The following TRPM8 variants were observed in gnomAD, a reference collection of about 807,000 sequenced individuals.
TRPM8 encodes TRPM8 cationic channel.
A neutral mutation model predicts 133.7 loss-of-function variants in TRPM8; 110 were observed. The ratio of observed to expected loss-of-function variants is 0.82; its 90% CI spans 0.70 to 0.96. The LOEUF is 0.96. Ranked by LOEUF, TRPM8 falls within the 40% of genes least tolerant of loss-of-function variation. The pLI is 0.00. For missense variants in TRPM8, 1,291 were observed against 1,379.5 expected, an observed-to-expected ratio of 0.94 and a Z score of 1.02; for synonymous variants, 535 against 532.3, an observed-to-expected ratio of 1.01 and a Z score of -0.07.
Position 234,004,295 on chromosome 2 carries a change from G to A in TRPM8, c.3131-2558G>A, listed in dbSNP as rs143318611. Among the ~76,000 whole-genome samples the A allele has an allele frequency of 3.9e-3, 589 of 152,304 alleles. 3 individuals are homozygous for A. Among genetic ancestry groups the A allele is most frequent in the African/African-American group, 0.013 (551 of 41,564 alleles). On this transcript the variant is annotated intron_variant, in intron 22 of 25. Transcript: ENST00000324695. The stretch of plus-strand genomic sequence containing the variant: ...CAGGATCTTTCTCCACCCTCGGGTG[G>A]TGTGGCAGTAATGGGACAGAGAGAG...
chr2:233,983,028 C>T (rs200025199), intron 19 of TRPM8, 25 bp from the exon 20 acceptor site: 55 of 1,602,602 alleles, frequency 3.4e-5, no homozygotes, highest in Non-Finnish European at 4.4e-5. Flanking sequence ...GGTCCTGACT[C>T]CGCTCTCCTG....
In TRPM8 at chr2:234,008,478, G is replaced by A. The variant is rs181646741; in HGVS notation, c.3264+375G>A. Among the ~76,000 whole-genome samples, 235 of 152,292 alleles carry A rather than the reference G, an allele frequency of 1.5e-3. 1 individual carries two copies. The highest frequency in any genetic ancestry group is 3.4e-3 in the Middle Eastern group (1 of 294). On this transcript the variant is annotated intron_variant, in intron 24 of 25. Coordinates refer to ENST00000324695, the MANE Select transcript of TRPM8 (RefSeq NM_024080.5). ...CTAGTCTTTGCTGCCACTCTGATTC[G>A]TTGCCTGTTTTATTTGGAGGGCATT...
chr2:233,976,746 G>A (rs1691882933), intron 17 of TRPM8, among the ~76,000 whole-genome samples: 1 of 152,188 alleles, frequency 6.6e-6, no homozygotes, highest in African/African-American at 2.4e-5. Flanking sequence ...AGCAGTGTGT[G>A]TTCCAGGTGG....
intron 24 of TRPM8, among the ~76,000 whole-genome samples, chr2:234,013,997 A>G (rs1477573691): frequency 6.6e-6 from 1 of 152,182 alleles, no homozygotes; most frequent in Non-Finnish European, 1.5e-5. Context: ...TAGTAATATG[A>G]CATGTAATTT....
At chr2:233,978,198 A>AGTGTGT (rs59259744) in intron 17 of TRPM8, among the ~76,000 whole-genome samples, 12,566 of 145,962 alleles carry the variant, frequency 0.086, 554 homozygotes, top group Non-Finnish European at 0.1. Context: ...GGAATATTAT[A>AGTGTGT]GTGTGTGTGT....
chr2:233,943,626 C>T (rs530087945), intron 6 of TRPM8, among the ~76,000 whole-genome samples: 6 of 152,266 alleles, frequency 3.9e-5, no homozygotes, highest in African/African-American at 7.2e-5. Context: ...AACCACCCCC[C>T]GCCCCCTGCA....
chr2:233,938,873 C>A, intron 4 of TRPM8, 125 bp from the exon 5 acceptor site: 1 of 1,078,200 alleles, frequency 9.3e-7, no homozygotes, highest in Non-Finnish European at 1.3e-6. Context: ...GCGATCCCTG[C>A]TGCCCCCACC....
intron 22 of TRPM8, among the ~76,000 whole-genome samples, chr2:233,998,458 C>G (rs1461708653): frequency 6.6e-6 from 1 of 152,130 alleles, no homozygotes; most frequent in Non-Finnish European, 1.5e-5. Context: ...AGTCCTGCAT[C>G]CTGGGAATCC....
At chr2:233,947,470 A>T in intron 8 of TRPM8, 1 of 1,357,042 alleles carries the variant, frequency 7.4e-7, no homozygotes, top group East Asian at 4.4e-5. Flanking sequence ...TTAGAAAGCT[A>T]TGGCCAACCT....
chr2:233,973,659 A>G (rs975465832), intron 17 of TRPM8, among the ~76,000 whole-genome samples: 3 of 152,212 alleles, frequency 2.0e-5, no homozygotes, highest in Non-Finnish European at 4.4e-5. Flanking sequence ...CTTTGGAGAC[A>G]CAATTTAACC....
At chr2:233,951,482 A>G (rs1559525923) in intron 9 of TRPM8, among the ~76,000 whole-genome samples, 2 of 152,250 alleles carry the variant, frequency 1.3e-5, no homozygotes, top group Non-Finnish European at 1.5e-5. Flanking sequence ...CTCCTTGTAC[A>G]AGTTGGCTTG....
intron 9 of TRPM8, among the ~76,000 whole-genome samples, chr2:233,952,593 C>A (rs1691195526): frequency 6.6e-6 from 1 of 151,768 alleles, no homozygotes; most frequent in South Asian, 2.1e-4. Flanking sequence ...GAGGGACCAG[C>A]CCAGGAGGCT....
At chr2:233,968,569 G>A (rs1691631894) in intron 15 of TRPM8, among the ~76,000 whole-genome samples, 1 of 152,104 alleles carries the variant, frequency 6.6e-6, no homozygotes, top group South Asian at 2.1e-4. Context: ...CCCTAGGCAG[G>A]GGCCCTCAGA....
At chr2:233,936,783 C>T (rs17863844) in intron 3 of TRPM8, among the ~76,000 whole-genome samples, 1,672 of 152,252 alleles carry the variant, frequency 0.011, 18 homozygotes, top group Non-Finnish European at 0.018. Flanking sequence ...AAGATCGATT[C>T]CATGACAGCA....
chr2:233,986,883 G>A (rs527843118), intron 21 of TRPM8, among the ~76,000 whole-genome samples: 2 of 152,186 alleles, frequency 1.3e-5, no homozygotes, highest in Non-Finnish European at 2.9e-5. Flanking sequence ...ACTTAATCTT[G>A]TGGATAGGAA....
rs1422384639 is a variant in TRPM8, at chr2:233,969,763, T to A, written c.2094T>A (p.Cys698Ter). The A allele has an allele frequency of 1.2e-6, 2 of 1,614,034 alleles. No individual in the cohort carries two copies. The highest frequency in any genetic ancestry group is 1.7e-6 in the Non-Finnish European group (2 of 1,179,858). The change falls in exon 16 of 26, where the codon TGT (cysteine) becomes TGA (stop). Residue 698 changes from cysteine to a stop codon, truncating the protein, a stop_gained. Transcript: ENST00000324695. LOFTEE classifies it high-confidence loss of function. The stretch of plus-strand genomic sequence containing the variant: ...CCAAGAACTGGAAGATTATCCTGTG[T>A]CTGTTTATTATACCCTTGGTGGGCT... ...RDTKNWKIIL[C>*]LFIIPLVGCG...
intron 10 of TRPM8, 43 bp from the exon 11 acceptor site, chr2:233,955,089 T>A (rs376370040): frequency 2.3e-5 from 34 of 1,466,864 alleles, no homozygotes; most frequent in Non-Finnish European, 2.8e-5. Flanking sequence ...CACTCTTATT[T>A]CTGAGCCTTT....
At chr2:234,015,222 G>C (rs1692929837) in intron 25 of TRPM8, among the ~76,000 whole-genome samples, 1 of 152,130 alleles carries the variant, frequency 6.6e-6, no homozygotes, top group Non-Finnish European at 1.5e-5. Context: ...CCAAGGCTTT[G>C]CTCCATGGTC....
chr2:233,953,528 C>A (rs1232800209), intron 9 of TRPM8, among the ~76,000 whole-genome samples: 1 of 152,146 alleles, frequency 6.6e-6, no homozygotes, highest in African/African-American at 2.4e-5. Context: ...GCTTTTATTT[C>A]CTATTGTTTA....
Sources: allele counts gnomAD v4.1 joint callset (sites outside exome capture counted in the v4.1 genomes callset), GRCh38; gene constraint gnomAD v4.1.1; transcripts MANE v1.5; gene names NCBI Gene and HGNC (gene_info 2026-07-23, HGNC 2026-07-21).